The following PFKL variants were observed in gnomAD, a reference collection of about 807,000 sequenced individuals.
The protein encoded by PFKL is ATP-dependent 6-phosphofructokinase, liver type.
Under a neutral mutation model 92.1 loss-of-function variants are expected in PFKL, and 74 were observed. The observed-to-expected ratio is 0.80, with a 90% CI of 0.67 to 0.97. The LOEUF is 0.97. Among genes scored for constraint, PFKL ranks in the 50% least tolerant of loss-of-function variants. PFKL has a pLI of 0.00. For synonymous variants in PFKL, 494 were observed against 456.4 expected (o/e 1.08, Z -1.05); for missense variants, 1,028 against 1,116.6 (o/e 0.92, Z 1.13).
intron 11 of PFKL, 174 bp from the exon 12 acceptor site, chr21:44,319,910 G>A (rs1485440743): frequency 3.3e-6 from 2 of 611,250 alleles, no homozygotes; most frequent in Non-Finnish European, 5.9e-6. Context: ...TGGGGGTCTC[G>A]CACCTTCTGT....
At chr21:44,309,046 G>A (rs1040225732) in intron 2 of PFKL, among the ~76,000 whole-genome samples, 5 of 152,116 alleles carry the variant, frequency 3.3e-5, no homozygotes, top group African/African-American at 7.2e-5. Flanking sequence ...AGGCAGATTC[G>A]GGGGCTTCAG....
chr21:44,303,778 C>A (rs888336914), intron 1 of PFKL, among the ~76,000 whole-genome samples: 3 of 152,174 alleles, frequency 2.0e-5, no homozygotes, highest in Admixed American at 6.5e-5. Flanking sequence ...TCACTGGGAA[C>A]CAGCGCACCA....
Position 44,300,118 on chromosome 21 carries a change from G to A in PFKL, c.13G>A (p.Asp5Asn). The A allele has an allele frequency of 8.5e-7, 1 of 1,178,816 alleles. No homozygotes were observed. Among genetic ancestry groups the A allele is most frequent in the East Asian group, 7.3e-5 (1 of 13,716 alleles). 73.0% of individuals were successfully genotyped at this position (1,178,816 alleles called of 1,614,324 possible). The change falls in exon 1 of 22, where the codon GAC becomes AAC. Residue 5 changes from aspartate (D) to asparagine (N), a missense_variant. Asp to Asn is a conservative substitution (Grantham distance 23). Coordinates refer to ENST00000349048, the MANE Select transcript of PFKL (RefSeq NM_002626.6). ...TTCGGCCGCCGCCATGGCCGCGGTGGACCTGGAGAAGCTGCGGGCGTCGGG... is the reference window on the plus strand; with the variant it reads ...TTCGGCCGCCGCCATGGCCGCGGTGAACCTGGAGAAGCTGCGGGCGTCGGG... MAAV[D>N]LEKLRASGAG...
chr21:44,325,350 G>C (rs570323383), intron 19 of PFKL, 86 bp downstream of exon 19: 15 of 794,792 alleles, frequency 1.9e-5, no homozygotes, highest in Non-Finnish European at 3.0e-5. Flanking sequence ...CAGCCCTCAC[G>C]GGCACCCACG....
At chr21:44,300,643 C>G (rs555467967) in intron 1 of PFKL, among the ~76,000 whole-genome samples, 2 of 152,260 alleles carry the variant, frequency 1.3e-5, no homozygotes, top group Admixed American at 6.5e-5. Flanking sequence ...GGCGGACTCA[C>G]TCCCGGACCG....
chr21:44,305,221 G>C, intron 1 of PFKL: 1 of 1,273,648 alleles, frequency 7.9e-7, no homozygotes, highest in Non-Finnish European at 1.0e-6. Flanking sequence ...TGGCTGCTAC[G>C]TGAGAACAGT....
At chr21:44,322,923 G>T in intron 14 of PFKL, 39 bp from the exon 15 acceptor site, 1 of 1,448,314 alleles carries the variant, frequency 6.9e-7, no homozygotes, top group Non-Finnish European at 9.7e-7. Flanking sequence ...ACGCGTCCCC[G>T]GGTGCTGCGT....
At chr21:44,313,347 C>G (rs937313684) in intron 5 of PFKL, among the ~76,000 whole-genome samples, 1 of 152,234 alleles carries the variant, frequency 6.6e-6, no homozygotes, top group Non-Finnish European at 1.5e-5. Flanking sequence ...CTTTGTGCAG[C>G]CCCTTCTGAG....
Position 44,320,166 on chromosome 21 carries a change from C to T in PFKL, c.1191+19C>T. ...GGAGAAGGTGAGGCAGGGAGCGGCGCCCACAGAGGGAGGAACGGGCTCAGT... is the reference window on the plus strand; with the variant it reads ...GGAGAAGGTGAGGCAGGGAGCGGCGTCCACAGAGGGAGGAACGGGCTCAGT... On this transcript the variant is annotated intron_variant, in intron 12 of 21. Transcript: ENST00000349048. The T allele has an allele frequency of 6.2e-7, 1 of 1,608,030 alleles. No individual in the cohort carries two copies. Among genetic ancestry groups the T allele is most frequent in the Non-Finnish European group, 8.5e-7 (1 of 1,175,260 alleles).
intron 1 of PFKL, among the ~76,000 whole-genome samples, chr21:44,303,233 AAAAAACAAAC>A (rs1432280544): frequency 7.7e-6 from 1 of 129,308 alleles, no homozygotes; most frequent in Non-Finnish European, 1.6e-5. Flanking sequence ...ACTCTGTTGC[AAAAAACAAAC>A]AAGAAAAAAC....
At chr21:44,300,387 C>G (rs1181482342) in intron 1 of PFKL, among the ~76,000 whole-genome samples, 197 bp downstream of exon 1, 1 of 152,118 alleles carries the variant, frequency 6.6e-6, no homozygotes, top group African/African-American at 2.4e-5. Context: ...TACGTGCGGC[C>G]GGCCACGTTC....
intron 10 of PFKL, among the ~76,000 whole-genome samples, chr21:44,319,078 C>G (rs1277988558): frequency 6.6e-6 from 1 of 152,072 alleles, no homozygotes; most frequent in African/African-American, 2.4e-5. Flanking sequence ...GGTTTGGAGG[C>G]CTGCAACTGG....
chr21:44,301,297 C>G (rs918136883), intron 1 of PFKL, among the ~76,000 whole-genome samples: 9 of 152,162 alleles, frequency 5.9e-5, no homozygotes, highest in African/African-American at 1.9e-4. Flanking sequence ...TGGTGGCTGC[C>G]CACCCGCCCT....
Position 44,319,213 on chromosome 21 carries a change from G to A in PFKL, c.1063-138G>A. On this transcript the variant is annotated intron_variant, in intron 10 of 21. Coordinates refer to ENST00000349048, the MANE Select transcript of PFKL (RefSeq NM_002626.6). ...GCCTTGGTGGTGACCGCTGTTCCTA[G>A]GGAGAGGCTGCCAGGCCTGGGCCAG... 3 of 710,428 alleles carry A rather than the reference G, an allele frequency of 4.2e-6. No individual in the cohort carries two copies. In the South Asian group the frequency reaches 4.9e-5, roughly 12 times the overall value. The allele number at this position is 710,428 out of a possible 1,614,324, so 44.0% of individuals were successfully genotyped here. A position where few individuals can be genotyped will look rare whatever the true frequency, so the allele number is the denominator to read the frequency against.
At position 44,326,257 on chromosome 21, in the gene PFKL, G is replaced by A. The variant is rs200303857; in HGVS notation, c.2188G>A (p.Asp730Asn). 7.0e-5 allele frequency: 112 copies of A among 1,607,872 alleles called. No individual in the cohort carries two copies. The highest frequency in any genetic ancestry group is 8.4e-5 in the Non-Finnish European group (99 of 1,175,824). ...CGTCACTGAGCTCAAGAAAGACACT[G>A]ATTTCGAGTGAGTTCCACCAAAGCC... ...SPVTELKKDT[D>N]FEHRMPREQW... Residue 730 changes from aspartate to asparagine, a missense_variant, in exon 21 of 22, where the codon GAT becomes AAT. Transcript: ENST00000349048.
At chr21:44,323,193 G>A (rs1372461595) in intron 15 of PFKL, 144 bp downstream of exon 15, 2 of 604,814 alleles carry the variant, frequency 3.3e-6, no homozygotes, top group Non-Finnish European at 5.8e-6. Flanking sequence ...TGCTGTGTGT[G>A]GGCTCGGGAG....
chr21:44,318,217 T>C (rs113608286), intron 9 of PFKL, among the ~76,000 whole-genome samples: 7,541 of 152,172 alleles, frequency 0.05, 562 homozygotes, highest in African/African-American at 0.16. Context: ...GTGGGTCGCA[T>C]TGCATGGCAC....
In PFKL at chr21:44,313,645, A is replaced by G; in HGVS notation, c.601A>G (p.Arg201Gly). The part of the protein sequence containing the change: ...AITTTAQSHQ[R>G]TFVLEVMGRH... ...CCTGTTCCATCTCCACAGCCACCAG[A>G]GGACCTTCGTGCTGGAAGTGATGGG... The change falls in exon 6 of 22, where the codon AGG becomes GGG. Residue 201 changes from arginine (R) to glycine (G), a missense_variant. Physicochemically the swap from Arg to Gly is moderately radical, Grantham distance 125 (BLOSUM62 -2). Coordinates refer to ENST00000349048, the MANE Select transcript of PFKL (RefSeq NM_002626.6). 1.2e-6 allele frequency: 2 copies of G among 1,612,168 alleles called. No individual in the cohort carries two copies. The highest frequency in any genetic ancestry group is 1.7e-6 in the Non-Finnish European group (2 of 1,179,596).
intron 3 of PFKL, 84 bp downstream of exon 3, chr21:44,311,167 C>T (rs2047030694): frequency 1.9e-6 from 2 of 1,036,798 alleles, no homozygotes; most frequent in South Asian, 1.4e-5. Flanking sequence ...CAGACACACA[C>T]ACAGAGACAG....
Sources: gnomAD v4.1 joint callset for allele counts (sites outside exome capture counted in the v4.1 genomes callset) on GRCh38, gnomAD v4.1.1 for gene constraint, MANE v1.5 for transcripts, NCBI Gene and HGNC (gene_info 2026-07-23, HGNC 2026-07-21) for gene names.